TCERG1L: variants seen among roughly 807,000 people sequenced by gnomAD.
TCERG1L encodes the protein transcription elongation regulator 1-like protein.
TCERG1L carries 37 observed loss-of-function variants against 56.3 expected under a neutral mutation model. The ratio of observed to expected loss-of-function variants is 0.66; its 90% CI spans 0.51 to 0.87. The LOEUF is 0.87. TCERG1L is among the 40% of genes least tolerant of loss of function. TCERG1L has a pLI of 0.00. For synonymous variants in TCERG1L, 324 were observed against 326.3 expected, an observed-to-expected ratio of 0.99 and a Z score of 0.08; for missense variants, 799 against 774.2, an observed-to-expected ratio of 1.03 and a Z score of -0.38.
At chr10:131,133,639 G>C (rs963163491) in intron 8 of TCERG1L, among the ~76,000 whole-genome samples, 1 of 152,124 alleles carries the variant, frequency 6.6e-6, no homozygotes, top group African/African-American at 2.4e-5. Flanking sequence ...CCGTCTCCCT[G>C]TTCTGGGGAA....
intron 4 of TCERG1L, among the ~76,000 whole-genome samples, chr10:131,201,403 C>T (rs1188744164): frequency 2.0e-5 from 3 of 152,316 alleles, no homozygotes; most frequent in East Asian, 3.9e-4. Flanking sequence ...TACACAGACA[C>T]GTGATCGTGG....
At chr10:131,247,448 G>A (rs1328716161) in intron 4 of TCERG1L, among the ~76,000 whole-genome samples, 1 of 152,130 alleles carries the variant, frequency 6.6e-6, no homozygotes, top group Non-Finnish European at 1.5e-5. Flanking sequence ...GTCCCCAGGA[G>A]CTCCTTCCTT....
intron 4 of TCERG1L, among the ~76,000 whole-genome samples, chr10:131,173,195 T>C (rs1382184942): frequency 6.6e-6 from 1 of 152,122 alleles, no homozygotes; most frequent in East Asian, 1.9e-4. Context: ...CCGGCCTGAA[T>C]GATATTTTAA....
At chr10:131,168,752 G>C (rs978321040) in intron 4 of TCERG1L, among the ~76,000 whole-genome samples, 1 of 152,202 alleles carries the variant, frequency 6.6e-6, no homozygotes, top group Non-Finnish European at 1.5e-5. Flanking sequence ...AATAGGCTGA[G>C]CAGGGATCCC....
At chr10:131,095,834 C>T (rs1238904817) in intron 11 of TCERG1L, 2 of 152,136 alleles carry the variant, frequency 1.3e-5, no homozygotes, top group African/African-American at 4.8e-5. Context: ...CTAATTTCTA[C>T]CACTCGTTTT....
intron 4 of TCERG1L, among the ~76,000 whole-genome samples, chr10:131,170,494 C>T (rs1846078459): frequency 6.6e-6 from 1 of 151,574 alleles, no homozygotes; most frequent in Non-Finnish European, 1.5e-5. Flanking sequence ...ATTGATCAAA[C>T]CCAGCTCTGA....
chr10:131,144,074 GCACACACGCT>G (rs1845769192), intron 7 of TCERG1L, among the ~76,000 whole-genome samples: 1 of 152,000 alleles, frequency 6.6e-6, no homozygotes, highest in Admixed American at 6.5e-5. Context: ...GCACACGCAG[GCACACACGCT>G]CACACATACA....
intron 4 of TCERG1L, among the ~76,000 whole-genome samples, chr10:131,181,338 G>A (rs575215557): frequency 7.2e-5 from 11 of 152,362 alleles, no homozygotes; most frequent in African/African-American, 2.4e-4. Flanking sequence ...GGGCCCGGGG[G>A]TGTCTGTGCT....
At position 131,213,938 on chromosome 10, in the gene TCERG1L, C is replaced by T. The variant is rs575171667; in HGVS notation, c.856+46321G>A. Reference sequence around the variant, plus strand: ...TGCTCACCAGGATCAGACCATCCCACAGTCCCGGCAGTTCCAGTGGCTGTG... The same window carrying T: ...TGCTCACCAGGATCAGACCATCCCATAGTCCCGGCAGTTCCAGTGGCTGTG... On this transcript the variant is annotated intron_variant, in intron 4 of 11. Coordinates refer to ENST00000368642, the MANE Select transcript of TCERG1L (RefSeq NM_174937.4). Among the ~76,000 whole-genome samples, 179 of 152,356 alleles carry T rather than the reference C, an allele frequency of 1.2e-3. 1 individual carries two copies. The South Asian group carries it at 0.035, about 30-fold the overall frequency.
chr10:131,227,327 G>A (rs528974981), intron 4 of TCERG1L, among the ~76,000 whole-genome samples: 1 of 152,324 alleles, frequency 6.6e-6, no homozygotes. Flanking sequence ...GCTCGGAGCT[G>A]GCCAATTAGA....
At chr10:131,286,729 A>G (rs2918117) in intron 3 of TCERG1L, among the ~76,000 whole-genome samples, 123,627 of 152,216 alleles carry the variant, frequency 0.81, 50,787 homozygotes, top group Non-Finnish European at 0.87. Flanking sequence ...GTAACAAATG[A>G]GCATGAAGTA....
At chr10:131,128,225 G>A (rs900433076) in intron 8 of TCERG1L, among the ~76,000 whole-genome samples, 2 of 152,148 alleles carry the variant, frequency 1.3e-5, no homozygotes, top group African/African-American at 4.8e-5. Context: ...AGAAGGAATA[G>A]AAAGTGGGAA....
chr10:131,156,224 T>G lies in TCERG1L; in HGVS notation c.1034+6898A>C, dbSNP rs534840303. 2.0e-5 allele frequency: 3 copies of G among 152,362 alleles called. No homozygotes were observed. In the East Asian group the frequency reaches 5.8e-4, roughly 29 times the overall value. 9.4% of individuals were successfully genotyped at this position (152,362 alleles called of 1,614,324 possible). On this transcript the variant is annotated intron_variant, in intron 6 of 11. Coordinates refer to ENST00000368642, the MANE Select transcript of TCERG1L (RefSeq NM_174937.4). The stretch of plus-strand genomic sequence containing the variant: ...ACTTTTCCTTTCTTTTTAGAAAAGT[T>G]CTACCAACTTCATCTCAGAACATGA...
intron 8 of TCERG1L, among the ~76,000 whole-genome samples, chr10:131,125,211 G>GATGATGATGGTGATA (rs1226512546): frequency 3.3e-5 from 5 of 152,110 alleles, no homozygotes; most frequent in Non-Finnish European, 7.3e-5. Context: ...TGATGAACAT[G>GATGATGATGGTGATA]ATGATGATGG....
chr10:131,134,050 AGCACATG>A (rs1845648230), intron 8 of TCERG1L, among the ~76,000 whole-genome samples: 1 of 152,172 alleles, frequency 6.6e-6, no homozygotes, highest in Non-Finnish European at 1.5e-5. Context: ...CCTCTGACAC[AGCACATG>A]GCACCTCCTA....
chr10:131,309,275 A>G lies in TCERG1L; in HGVS notation c.367T>C (p.Ser123Pro), dbSNP rs1245464205. ...GTGGAAGAGGGGGGCAGTCCTAGGGACGGAGAATGGCCACCAAACAGCCAC... is the reference window on the plus strand; with the variant it reads ...GTGGAAGAGGGGGGCAGTCCTAGGGGCGGAGAATGGCCACCAAACAGCCAC... ...GQWLFGGHSP[S>P]LGLPPSSTVE... The change falls in exon 2 of 12, where the codon TCC becomes CCC. Residue 123 changes from serine (S) to proline (P), a missense_variant. By Grantham distance (74) the Ser-to-Pro change is moderately conservative. Coordinates refer to ENST00000368642, the MANE Select transcript of TCERG1L (RefSeq NM_174937.4). 14 of 1,597,944 alleles carry G rather than the reference A, an allele frequency of 8.8e-6. No individual in the cohort carries two copies. Among genetic ancestry groups the G allele is most frequent in the Non-Finnish European group, 1.2e-5 (14 of 1,174,166 alleles).
intron 3 of TCERG1L, among the ~76,000 whole-genome samples, chr10:131,277,080 A>G (rs1846401046): frequency 6.6e-6 from 1 of 152,100 alleles, no homozygotes; most frequent in African/African-American, 2.4e-5. Flanking sequence ...CGAGAGTTTG[A>G]GATTACAGAA....
At chr10:131,234,717 T>G (rs186363638) in intron 4 of TCERG1L, among the ~76,000 whole-genome samples, 1 of 147,534 alleles carries the variant, frequency 6.8e-6, no homozygotes, top group Admixed American at 6.9e-5. Flanking sequence ...GTTGTGTTTT[T>G]TTGAGACGGA....
chr10:131,294,820 G>A (rs1846671076), intron 3 of TCERG1L, among the ~76,000 whole-genome samples: 1 of 151,422 alleles, frequency 6.6e-6, no homozygotes, highest in Non-Finnish European at 1.5e-5. Flanking sequence ...GCATTTTGTT[G>A]GGTATGTCTT....
Sources: allele counts gnomAD v4.1 joint callset (sites outside exome capture counted in the v4.1 genomes callset), GRCh38; gene constraint gnomAD v4.1.1; transcripts MANE v1.5; gene names NCBI Gene and HGNC (gene_info 2026-07-23, HGNC 2026-07-21).